The following LYST variants were observed in gnomAD, a reference collection of about 807,000 sequenced individuals.
LYST encodes lysosomal-trafficking regulator.
Under a neutral mutation model 413.6 loss-of-function variants are expected in LYST, and 192 were observed. That is an observed-to-expected ratio of 0.46 (90% CI 0.41 to 0.52). The LOEUF is 0.52. Ranked by LOEUF, LYST falls within the 20% of genes least tolerant of loss-of-function variation. The pLI is 0.00. For missense variants in LYST, 3,815 were observed against 4,499.9 expected, an observed-to-expected ratio of 0.85 and a Z score of 4.35; for synonymous variants, 1,525 against 1,567.3, an observed-to-expected ratio of 0.97 and a Z score of 0.64.
At chr1:235,681,903 A>G (rs951909249) in intron 48 of LYST, among the ~76,000 whole-genome samples, 1 of 151,914 alleles carries the variant, frequency 6.6e-6, no homozygotes, top group South Asian at 2.1e-4. Flanking sequence ...CTGCTGCTTG[A>G]CTAGCTGTTC....
At position 235,810,639 on chromosome 1, in the gene LYST, T is replaced by C. The variant is rs933300501; in HGVS notation, c.284-105A>G. Reference sequence around the variant, plus strand: ...ATCTTAAACCCACTAAAGGAGTTTATCCTCAATGTATTTTGCTGCAGGGCT... The same window carrying C: ...ATCTTAAACCCACTAAAGGAGTTTACCCTCAATGTATTTTGCTGCAGGGCT... On this transcript the variant is annotated intron_variant, in intron 4 of 52. Transcript: ENST00000389793. 7.5e-5 allele frequency: 77 copies of C among 1,030,270 alleles called. 1 individual carries two copies. The East Asian group carries it at 1.9e-3, about 25-fold the overall frequency. 63.8% of individuals were successfully genotyped at this position (1,030,270 alleles called of 1,614,324 possible).
rs958652613 is a variant in LYST at position 235,875,398 on chromosome 1, T to A, written n.454+7789A>T. On this transcript the variant is annotated intron_variant and non_coding_transcript_variant, in intron 1 of 11. Coordinates refer to the LYST transcript ENST00000465349. ...CACATGTTAAATATCCTGGGACAAA[T>A]ATCTTGGGGCTATTGTGTGGCAATT... Among the ~76,000 whole-genome samples, 6 of 152,224 alleles carry A rather than the reference T, an allele frequency of 3.9e-5. No homozygotes were observed. In the East Asian group the frequency reaches 5.8e-4, roughly 15 times the overall value.
intron 50 of LYST, among the ~76,000 whole-genome samples, chr1:235,669,622 T>C (rs1441312462): frequency 6.6e-6 from 1 of 152,206 alleles, no homozygotes; most frequent in Non-Finnish European, 1.5e-5. Context: ...TCAGACTGAT[T>C]GTGGGATACC....
In LYST at chr1:235,809,238, T is replaced by C; in HGVS notation, c.1580A>G (p.Gln527Arg). ...CTCTTCAAATGGGTTTTTGGAAACC[T>C]GGTTTTTAAAAGCCGAAACCAGAAG... ...SGLLVSAFKN[Q>R]VSKNPFEETA... is the part of the protein sequence containing the mutation. Residue 527 changes from glutamine (Q) to arginine (R), a missense_variant, in exon 5 of 53, where the codon CAG (glutamine) becomes CGG (arginine). By Grantham distance (43) the Gln-to-Arg change is conservative. Transcript: ENST00000389793. The surrounding 1 kb of genome is among the most constrained non-coding windows in gnomAD (Gnocchi z 4.0). 2 of 1,613,986 alleles carry C rather than the reference T, an allele frequency of 1.2e-6. No individual in the cohort carries two copies. The highest frequency in any genetic ancestry group is 1.7e-5 in the Admixed American group (1 of 59,982).
At chr1:235,672,990 G>A (rs767888264) in intron 50 of LYST, among the ~76,000 whole-genome samples, 37 of 152,056 alleles carry the variant, frequency 2.4e-4, no homozygotes, top group Admixed American at 9.8e-4. Context: ...ACACCAACCC[G>A]GAGATCACAT....
intron 31 of LYST, chr1:235,737,916 A>ATTAGTTGG: frequency 1.9e-5 from 22 of 1,163,404 alleles, no homozygotes; most frequent in South Asian, 1.6e-4. Flanking sequence ...GCTGCCGACG[A>ATTAGTTGG]GTCTGGATCT....
At chr1:235,747,718 A>T (rs1666066487) in intron 28 of LYST, among the ~76,000 whole-genome samples, 1 of 152,200 alleles carries the variant, frequency 6.6e-6, no homozygotes, top group South Asian at 2.1e-4. Context: ...AATGTTAAGT[A>T]AGTCTTCTTT....
At chr1:235,833,419 A>G (rs1676213690) in intron 2 of LYST, among the ~76,000 whole-genome samples, 159 bp downstream of exon 2, 2 of 152,256 alleles carry the variant, frequency 1.3e-5, no homozygotes, top group Admixed American at 1.3e-4. Flanking sequence ...CCATCATGCA[A>G]TATACCATTG....
chr1:235,764,720 C>G (rs149858197), intron 21 of LYST, among the ~76,000 whole-genome samples: 7,057 of 151,768 alleles, frequency 0.046, 567 homozygotes, highest in African/African-American at 0.16. Context: ...TCAGGCAGGT[C>G]TTGAACTCCT....
intron 29 of LYST, 58 bp downstream of exon 29, chr1:235,746,278 G>A (rs1572133061): frequency 4.0e-6 from 6 of 1,489,770 alleles, no homozygotes; most frequent in Non-Finnish European, 5.6e-6. Context: ...TTTCCTCTTA[G>A]ATTACTTCTC....
chr1:235,722,359 G>A (rs1469247136), intron 39 of LYST, among the ~76,000 whole-genome samples: 3 of 152,222 alleles, frequency 2.0e-5, no homozygotes, highest in Non-Finnish European at 4.4e-5. Flanking sequence ...AGAATAATCT[G>A]AAGGGGGGCT....
intron 1 of LYST, among the ~76,000 whole-genome samples, chr1:235,847,896 T>C (rs1024906400): frequency 6.6e-6 from 1 of 152,052 alleles, no homozygotes; most frequent in Non-Finnish European, 1.5e-5. Flanking sequence ...TATAAAACAA[T>C]TACTAATAGA....
chr1:235,692,596 C>T (rs1048096328), intron 47 of LYST, among the ~76,000 whole-genome samples: 1 of 151,894 alleles, frequency 6.6e-6, no homozygotes, highest in Non-Finnish European at 1.5e-5. Flanking sequence ...GTTGGCCAGG[C>T]TGGTCTTGAA....
Position 235,662,945 on chromosome 1 carries a change from C to T in LYST, c.11401G>A (p.Gly3801Arg), listed in dbSNP as rs764016310. ...AACGTGAAGTTCATTCGCATTCACC[C>T]GGCTGCATAGCTGCTAAGGAAGGAA... ...FYSFLSSYAA[G>R] Residue 3801 changes from glycine to arginine, a missense_variant, in exon 53 of 53, where the codon GGG (glycine) becomes AGG (arginine). By Grantham distance (125) the Gly-to-Arg change is moderately radical. Around this residue, in one of 4 missense-constraint regions of LYST, gnomAD observed 866 missense variants for 1,156.0 expected, o/e 0.75. Coordinates refer to ENST00000389793, the MANE Select transcript of LYST (RefSeq NM_000081.4). The T allele has an allele frequency of 8.5e-6, 13 of 1,538,070 alleles. No homozygotes were observed. The highest frequency in any genetic ancestry group is 5.0e-5 in the Admixed American group (3 of 59,904).
At chr1:235,838,499 T>A (rs1012841860) in intron 1 of LYST, among the ~76,000 whole-genome samples, 8 of 152,252 alleles carry the variant, frequency 5.3e-5, no homozygotes, top group African/African-American at 1.9e-4. Flanking sequence ...TTATTGCTCA[T>A]CTTTTCTTTA....
chr1:235,709,182 G>A lies in LYST; in HGVS notation c.10052C>T (p.Ser3351Leu), dbSNP rs750363631. The change falls in exon 44 of 53, where the codon TCG (serine) becomes TTG (leucine). Residue 3351 changes from serine to leucine, a missense_variant. By Grantham distance (145) the Ser-to-Leu change is moderately radical. Around this residue, in one of 4 missense-constraint regions of LYST, gnomAD observed 866 missense variants for 1,156.0 expected, o/e 0.75. Coordinates refer to ENST00000389793, the MANE Select transcript of LYST (RefSeq NM_000081.4). ...HRQALESDYV[S>L]QNICQWIDLV... ...GTCAATCCACTGACAGATGTTCTGCGACACGTAGTCAGACTCTAGAGCCTG... is the reference window on the plus strand; with the variant it reads ...GTCAATCCACTGACAGATGTTCTGCAACACGTAGTCAGACTCTAGAGCCTG... 7 of 1,613,908 alleles carry A rather than the reference G, an allele frequency of 4.3e-6. No individual in the cohort carries two copies. Among genetic ancestry groups the A allele is most frequent in the Non-Finnish European group, 3.4e-6 (4 of 1,179,986 alleles).
At position 235,791,693 on chromosome 1, in the gene LYST, T is replaced by C; in HGVS notation, c.4543+6A>G. On this transcript the variant is annotated splice_donor_region_variant and intron_variant, in intron 12 of 52. Transcript: ENST00000389793. Reference sequence around the variant, plus strand: ...GTGTACAAATCAGATAATCCTGTCATCATACCTGTACCATCAAAACTGCTA... The same window carrying C: ...GTGTACAAATCAGATAATCCTGTCACCATACCTGTACCATCAAAACTGCTA... 1 of 1,602,066 alleles carries C rather than the reference T, an allele frequency of 6.2e-7. No homozygotes were observed. The highest frequency in any genetic ancestry group is 8.5e-7 in the Non-Finnish European group (1 of 1,171,006).
rs1278825873 is a variant in LYST at position 235,808,669 on chromosome 1, T to G, written c.2149A>C (p.Asn717His). The change falls in exon 5 of 53, where the codon AAT (asparagine) becomes CAT (histidine). Residue 717 changes from asparagine to histidine, a missense_variant. Physicochemically the swap from Asn to His is moderately conservative, Grantham distance 68. Transcript: ENST00000389793. ...HSIQIANHIC[N>H]LIQKGNIVVQ... ...ACTATATTGCCTTTCTGGATTAAAT[T>G]GCAAATGTGATTTGCAATCTGTATA... is the stretch of plus-strand genomic sequence containing the variant. The G allele has an allele frequency of 6.2e-7, 1 of 1,613,688 alleles. No individual in the cohort carries two copies. Among genetic ancestry groups the G allele is most frequent in the Non-Finnish European group, 8.5e-7 (1 of 1,179,770 alleles).
chr1:235,683,825 G>A (rs144446792), intron 48 of LYST, among the ~76,000 whole-genome samples: 8 of 152,304 alleles, frequency 5.3e-5, no homozygotes, highest in African/African-American at 1.9e-4. Flanking sequence ...CACAAGCTCA[G>A]GGTCAGAACC....
Sources: allele counts gnomAD v4.1 joint callset (sites outside exome capture counted in the v4.1 genomes callset), GRCh38; gene constraint gnomAD v4.1.1; regional missense constraint gnomAD v4.1.1; non-coding constraint Gnocchi (gnomAD v3.1); transcripts MANE v1.5; gene names NCBI Gene and HGNC (gene_info 2026-07-23, HGNC 2026-07-21).